MAP3K13: variants seen among roughly 807,000 people sequenced by gnomAD.
MAP3K13 encodes the protein mitogen-activated protein kinase kinase kinase 13, also known as leucine zipper-bearing kinase.
In MAP3K13, 52 loss-of-function variants were observed where a neutral mutation model predicts 104.0. That is an observed-to-expected ratio of 0.50 (90% CI 0.40 to 0.63). MAP3K13 has a LOEUF of 0.63. Ranked by LOEUF, MAP3K13 falls within the 20% of genes least tolerant of loss-of-function variation. MAP3K13 has a pLI of 0.00. For synonymous variants in MAP3K13, 394 were observed against 442.2 expected, an observed-to-expected ratio of 0.89 and a Z score of 1.37; for missense variants, 914 against 1,218.5, an observed-to-expected ratio of 0.75 and a Z score of 3.72.
rs562567933 is a variant in MAP3K13 at position 185,307,252 on chromosome 3, A to AT, written c.-86+21615dup. Among the ~76,000 whole-genome samples the AT allele has an allele frequency of 1.7e-4, 25 of 149,910 alleles. No individual in the cohort carries two copies. The East Asian group carries it at 4.9e-3, about 29-fold the overall frequency. On this transcript the variant is annotated intron_variant, in intron 2 of 14. Coordinates refer to the MAP3K13 transcript ENST00000424227. Reference sequence around the variant, plus strand: ...CATGTTTGGGACATTTTCAGCCATTATTTTTTCAAGTAACCTCTCTGTCCT... The same window carrying AT: ...CATGTTTGGGACATTTTCAGCCATTATTTTTTTCAAGTAACCTCTCTGTCCT...
chr3:185,359,075 G>C (rs1300103959), upstream of MAP3K13, among the ~76,000 whole-genome samples: 22 of 152,120 alleles, frequency 1.4e-4, no homozygotes, highest in Non-Finnish European at 1.6e-4. Context: ...AAACGTACCT[G>C]AGACTGGGCA....
chr3:185,315,255 A>G lies in MAP3K13; in HGVS notation c.-86+29612A>G, dbSNP rs547535113. Among the ~76,000 whole-genome samples, 8 of 152,266 alleles carry G rather than the reference A, an allele frequency of 5.3e-5. No homozygotes were observed. The highest frequency in any genetic ancestry group is 2.6e-4 in the Admixed American group (4 of 15,296). On this transcript the variant is annotated intron_variant, in intron 2 of 14. Coordinates refer to the MAP3K13 transcript ENST00000424227. The surrounding 1 kb of genome is among the most constrained non-coding windows in gnomAD (Gnocchi z 4.3). ...ACAGAGCAAGACTCCAACTCAAAAA[A>G]GAAAAAAAAAACTATAAATATATTA...
intron 2 of MAP3K13, among the ~76,000 whole-genome samples, chr3:185,288,711 C>T (rs971328848): frequency 1.3e-5 from 2 of 151,918 alleles, no homozygotes; most frequent in South Asian, 2.1e-4. Flanking sequence ...TTCACAGAGT[C>T]GAAATGACAG....
intron 2 of MAP3K13, among the ~76,000 whole-genome samples, chr3:185,346,448 C>T (rs1722926993): frequency 6.6e-6 from 1 of 152,156 alleles, no homozygotes; most frequent in Non-Finnish European, 1.5e-5. Context: ...TTTTTTCACA[C>T]TTTGTCATGA....
intron 2 of MAP3K13, among the ~76,000 whole-genome samples, chr3:185,311,640 C>A (rs1018364444): frequency 5.3e-5 from 8 of 152,164 alleles, no homozygotes; most frequent in Admixed American, 1.3e-4. Context: ...CAGAGTCCCC[C>A]AAATTGGTAT....
At chr3:185,467,784 A>G (rs1174107118) in intron 10 of MAP3K13, among the ~76,000 whole-genome samples, 2 of 150,360 alleles carry the variant, frequency 1.3e-5, no homozygotes, top group Non-Finnish European at 3.0e-5. Context: ...TCTGTCTCAA[A>G]AAAAAAAAAA....
chr3:185,290,678 C>T (rs2108672332), intron 2 of MAP3K13, among the ~76,000 whole-genome samples: 1 of 152,216 alleles, frequency 6.6e-6, no homozygotes, highest in African/African-American at 2.4e-5. Flanking sequence ...TTTTGTACTT[C>T]AGTTTCTTTA....
At chr3:185,333,191 C>T (rs996509766) in intron 2 of MAP3K13, among the ~76,000 whole-genome samples, 6 of 151,950 alleles carry the variant, frequency 3.9e-5, no homozygotes, top group African/African-American at 1.5e-4. Context: ...GTCTAGTAGT[C>T]GTACATACAG....
intron 1 of MAP3K13, among the ~76,000 whole-genome samples, chr3:185,376,330 T>G (rs1724429829): frequency 1.3e-5 from 2 of 152,088 alleles, no homozygotes; most frequent in Non-Finnish European, 2.9e-5. Context: ...TTGGAAGTTA[T>G]GAGAACTGTA....
chr3:185,390,211 A>G lies in MAP3K13; in HGVS notation c.-86+26843A>G, dbSNP rs776503141. 2.0e-5 allele frequency among the ~76,000 whole-genome samples: 3 copies of G among 152,288 alleles called. No homozygotes were observed. In the East Asian group the frequency reaches 5.8e-4, roughly 29 times the overall value. On this transcript the variant is annotated intron_variant, in intron 1 of 13. Coordinates refer to ENST00000265026, the MANE Select transcript of MAP3K13 (RefSeq NM_004721.5). ...GGTGTGAGTAATAGCTAATATCTCTATTGGATTTAGTGTGTGCCAGACACT... is the reference window on the plus strand; with the variant it reads ...GGTGTGAGTAATAGCTAATATCTCTGTTGGATTTAGTGTGTGCCAGACACT...
chr3:185,302,417 T>C (rs1284033966), intron 2 of MAP3K13, among the ~76,000 whole-genome samples: 1 of 150,952 alleles, frequency 6.6e-6, no homozygotes, highest in African/African-American at 2.5e-5. Context: ...TCTGAAAAAG[T>C]AAATAAATAA....
In MAP3K13 at chr3:185,418,570, C is replaced by T. The variant is rs1337486920; in HGVS notation, c.-85-9927C>T. ...TCTGGGAATTCGAGCCATAGCTCTGCCAGTACCCCAAGACTCAGCACTGGT... is the reference window on the plus strand; with the variant it reads ...TCTGGGAATTCGAGCCATAGCTCTGTCAGTACCCCAAGACTCAGCACTGGT... On this transcript the variant is annotated intron_variant, in intron 1 of 13. Coordinates refer to ENST00000265026, the MANE Select transcript of MAP3K13 (RefSeq NM_004721.5). This position sits in a 1 kb window ranked among gnomAD's most constrained non-coding sequence, Gnocchi z 4.5. 2 of 1,612,222 alleles carry T rather than the reference C, an allele frequency of 1.2e-6. No homozygotes were observed. The highest frequency in any genetic ancestry group is 1.7e-5 in the Admixed American group (1 of 60,008).
At position 185,454,637 on chromosome 3, in the gene MAP3K13, GAGAT is replaced by G. The variant is rs1296562422; in HGVS notation, c.1278+3244_1278+3247del. Among the ~76,000 whole-genome samples, 140 of 49,390 alleles carry G rather than the reference GAGAT, an allele frequency of 2.8e-3. 56 individuals carry two copies. Among genetic ancestry groups the G allele is most frequent in the South Asian group, 4.2e-3 (6 of 1,428 alleles). The allele number at this position is 49,390 out of a possible 152,430, so 32.4% of individuals were successfully genotyped here. A position where few individuals can be genotyped will look rare whatever the true frequency, so the allele number is the denominator to read the frequency against. ...TGATATATATATGAGATATATATATGAGATATATATATGATATATATATGATATA... is the reference window on the plus strand; with the variant it reads ...TGATATATATATGAGATATATATATGATATATATGATATATATATGATATA... On this transcript the variant is annotated intron_variant, in intron 7 of 13. Transcript: ENST00000265026.
chr3:185,474,809 G>C (rs1718015959), intron 11 of MAP3K13, among the ~76,000 whole-genome samples: 2 of 152,024 alleles, frequency 1.3e-5, no homozygotes, highest in African/African-American at 4.8e-5. Context: ...TTAAAGCCAG[G>C]CTCTTGGCCA....
At chr3:185,445,719 C>T (rs1715554809) in intron 4 of MAP3K13, among the ~76,000 whole-genome samples, 1 of 152,198 alleles carries the variant, frequency 6.6e-6, no homozygotes, top group African/African-American at 2.4e-5. Flanking sequence ...ATCTGACTTG[C>T]TGTAACAAGA....
Position 185,454,718 on chromosome 3 carries a change from TATATATGATATATATGATATATATATC to T in MAP3K13, c.1278+3330_1278+3356del, listed in dbSNP as rs1560117348. ...TGAGATATATATATCATATATGAGA[TATATATGATATATATGATATATATATC>T]ATATATATGAGATATATATGACATA... is the stretch of plus-strand genomic sequence containing the variant. On this transcript the variant is annotated intron_variant, in intron 7 of 13. Coordinates refer to ENST00000265026, the MANE Select transcript of MAP3K13 (RefSeq NM_004721.5). Among the ~76,000 whole-genome samples, 17 of 22,812 alleles carry T rather than the reference TATATATGATATATATGATATATATATC, an allele frequency of 7.5e-4. 5 individuals are homozygous for T. The East Asian group carries it at 0.014, about 18-fold the overall frequency. 15.0% of individuals were successfully genotyped at this position (22,812 alleles called of 152,430 possible).
chr3:185,398,778 G>A lies in MAP3K13; in HGVS notation c.-85-29719G>A, dbSNP rs144429657. Among the ~76,000 whole-genome samples the A allele has an allele frequency of 3.3e-5, 5 of 152,250 alleles. No homozygotes were observed. In the East Asian group the frequency reaches 9.6e-4, roughly 29 times the overall value. ...ATTTCTTCTATTCCTTGCAGATTAT[G>A]TTGAATCAGACTCATTTTCTCTAGA... On this transcript the variant is annotated intron_variant, in intron 1 of 13. Transcript: ENST00000265026.
At position 185,482,741 on chromosome 3, in the gene MAP3K13, G is replaced by T; in HGVS notation, c.*285G>T. On this transcript the variant is annotated 3_prime_UTR_variant, in exon 14 of 14. Coordinates refer to ENST00000265026, the MANE Select transcript of MAP3K13 (RefSeq NM_004721.5). The surrounding 1 kb of genome is among the most constrained non-coding windows in gnomAD (Gnocchi z 4.5). Reference sequence around the variant, plus strand: ...TACTGTAACATTGATATTTATTTTTGTTTGACATTTTAACACTTTGTACTG... The same window carrying T: ...TACTGTAACATTGATATTTATTTTTTTTTGACATTTTAACACTTTGTACTG... 3.1e-6 allele frequency: 1 copy of T among 321,642 alleles called. No homozygotes were observed. The highest frequency in any genetic ancestry group is 5.7e-6 in the Non-Finnish European group (1 of 175,058). The allele number at this position is 321,642 out of a possible 1,614,324, so 19.9% of individuals were successfully genotyped here.
At chr3:185,340,715 A>G (rs980207693) in intron 2 of MAP3K13, among the ~76,000 whole-genome samples, 2 of 152,070 alleles carry the variant, frequency 1.3e-5, no homozygotes, top group African/African-American at 4.8e-5. Flanking sequence ...AGTTTGCTCT[A>G]TGCCGTTCTT....
Sources: allele counts gnomAD v4.1 joint callset (sites outside exome capture counted in the v4.1 genomes callset), GRCh38; gene constraint gnomAD v4.1.1; non-coding constraint Gnocchi (gnomAD v3.1); transcripts MANE v1.5; gene names NCBI Gene and HGNC (gene_info 2026-07-23, HGNC 2026-07-21).